The following TMEM217B variants were observed in gnomAD, a reference collection of about 807,000 sequenced individuals.
TMEM217B encodes putative transmembrane protein 217B.
chr6:37,245,994 G>T, the TMEM217B span, among the ~76,000 whole-genome samples: 182 of 152,042 alleles, frequency 1.2e-3, 1 homozygote, highest in African/African-American at 4.1e-3. Context: ...TAGAGAAGGG[G>T]TTTCTCCATG....
At chr6:37,250,314 T>C in the TMEM217B span, among the ~76,000 whole-genome samples, 1 of 152,174 alleles carries the variant, frequency 6.6e-6, no homozygotes, top group African/African-American at 2.4e-5. Context: ...TCTAAGGTAT[T>C]GGTAATATCC....
chr6:37,252,173 G>A, the TMEM217B span, among the ~76,000 whole-genome samples: 3 of 152,334 alleles, frequency 2.0e-5, no homozygotes, highest in South Asian at 2.1e-4. Flanking sequence ...GATTACAGGC[G>A]TGAGCCACTG....
At chr6:37,220,867 A>G in the TMEM217B span, among the ~76,000 whole-genome samples, 1 of 152,294 alleles carries the variant, frequency 6.6e-6, no homozygotes, top group Admixed American at 6.5e-5. Flanking sequence ...AACTATGATT[A>G]CTATATTTTT....
chr6:37,219,362 C>T, the TMEM217B span, among the ~76,000 whole-genome samples: 3 of 152,280 alleles, frequency 2.0e-5, no homozygotes, highest in East Asian at 1.9e-4. Flanking sequence ...GGTTGGGATC[C>T]AGGCACCAGT....
At chr6:37,241,002 CT>C in the TMEM217B span, among the ~76,000 whole-genome samples, 2 of 151,590 alleles carry the variant, frequency 1.3e-5, no homozygotes, top group South Asian at 2.1e-4. Context: ...TTTTACTGAC[CT>C]TTTTGCAAGT....
At chr6:37,221,462 C>T in the TMEM217B span, among the ~76,000 whole-genome samples, 1 of 152,194 alleles carries the variant, frequency 6.6e-6, no homozygotes, top group Non-Finnish European at 1.5e-5. Flanking sequence ...GCTGGGATTA[C>T]AGGGGTGAGC....
the TMEM217B span, among the ~76,000 whole-genome samples, chr6:37,226,281 C>CTTTTTTT: frequency 1.7e-4 from 13 of 74,892 alleles, 3 homozygotes; most frequent in South Asian, 4.9e-4. Flanking sequence ...TTGAGACAGT[C>CTTTTTTT]TTTTTTTTTT....
the TMEM217B span, chr6:37,219,026 T>A: frequency 3.7e-6 from 6 of 1,612,462 alleles, no homozygotes; most frequent in Non-Finnish European, 8.5e-7. Context: ...CTGCTGCTGT[T>A]TCATGCTGAG....
chr6:37,233,810 C>T, the TMEM217B span, among the ~76,000 whole-genome samples: 2 of 152,320 alleles, frequency 1.3e-5, no homozygotes, highest in East Asian at 3.9e-4. Context: ...AAGTCCCTAA[C>T]TAACTTAAGT....
the TMEM217B span, among the ~76,000 whole-genome samples, chr6:37,251,408 G>A: frequency 7.3e-6 from 1 of 137,136 alleles, no homozygotes; most frequent in Non-Finnish European, 1.6e-5. Context: ...ATGAGATAAT[G>A]TATAAAGAAT....
chr6:37,228,504 G>A, the TMEM217B span, among the ~76,000 whole-genome samples: 3 of 152,192 alleles, frequency 2.0e-5, no homozygotes, highest in Non-Finnish European at 4.4e-5. Flanking sequence ...AGGAGTTTGA[G>A]ACCAGCCTGA....
chr6:37,246,957 G>A, the TMEM217B span, among the ~76,000 whole-genome samples: 4 of 151,752 alleles, frequency 2.6e-5, no homozygotes, highest in Admixed American at 6.6e-5. Flanking sequence ...GCCGGGTCCC[G>A]CAGTACCTAT....
At chr6:37,235,841 G>C in the TMEM217B span, among the ~76,000 whole-genome samples, 2 of 152,142 alleles carry the variant, frequency 1.3e-5, no homozygotes, top group Non-Finnish European at 2.9e-5. Context: ...CTTTTATAAA[G>C]CACTAACCCA....
At chr6:37,233,534 G>A in the TMEM217B span, among the ~76,000 whole-genome samples, 1 of 152,190 alleles carries the variant, frequency 6.6e-6, no homozygotes, top group African/African-American at 2.4e-5. Flanking sequence ...CCTCTTTTAC[G>A]AGGGCATTAA....
chr6:37,241,488 G>A, the TMEM217B span, among the ~76,000 whole-genome samples: 1 of 152,078 alleles, frequency 6.6e-6, no homozygotes, highest in Admixed American at 6.6e-5. Context: ...ACCTCAGTAA[G>A]GATTCCTACA....
chr6:37,233,614 A>T, the TMEM217B span, among the ~76,000 whole-genome samples: 107 of 152,252 alleles, frequency 7.0e-4, no homozygotes, highest in African/African-American at 2.3e-3. Context: ...TACTACCATC[A>T]CACTGGGGTT....
chr6:37,224,237 C>T, the TMEM217B span, among the ~76,000 whole-genome samples: 1 of 151,794 alleles, frequency 6.6e-6, no homozygotes, highest in East Asian at 2.0e-4. Flanking sequence ...CCGCGCCCGG[C>T]CTCTGCCTCA....
chr6:37,253,737 G>A, the TMEM217B span, among the ~76,000 whole-genome samples: 6 of 152,136 alleles, frequency 3.9e-5, no homozygotes, highest in Non-Finnish European at 8.8e-5. Context: ...CTCTCTGTAA[G>A]TCCAAAGGCT....
At chr6:37,215,598 A>T in the TMEM217B span, among the ~76,000 whole-genome samples, 2 of 135,544 alleles carry the variant, frequency 1.5e-5, no homozygotes, top group African/African-American at 5.5e-5. Context: ...AAAAAAAAAA[A>T]AAAGAAAAGA....
Sources: gnomAD v4.1 joint callset for allele counts (sites outside exome capture counted in the v4.1 genomes callset) on GRCh38, gnomAD v4.1.1 for gene constraint, MANE v1.5 for transcripts, NCBI Gene and HGNC (gene_info 2026-07-23, HGNC 2026-07-21) for gene names.